Variants in MYO5B observed in about 807,000 individuals in gnomAD.
MYO5B encodes the protein myosin VB, also known as unconventional myosin-Vb.
MYO5B carries 143 observed loss-of-function variants against 229.3 expected under a neutral mutation model. The ratio of observed to expected loss-of-function variants is 0.62; its 90% CI spans 0.54 to 0.72. MYO5B has a LOEUF of 0.72. Ranked by LOEUF, MYO5B falls within the 30% of genes least tolerant of loss-of-function variation. The pLI, the probability that MYO5B is intolerant of heterozygous loss-of-function variation, is 0.00. For missense variants in MYO5B, 2,321 were observed against 2,331.0 expected, an observed-to-expected ratio of 1.00 and a Z score of 0.09; for synonymous variants, 918 against 885.2, an observed-to-expected ratio of 1.04 and a Z score of -0.66.
At chr18:50,083,586 C>T (rs577500642) in intron 1 of MYO5B, among the ~76,000 whole-genome samples, 1 of 152,202 alleles carries the variant, frequency 6.6e-6, no homozygotes, top group East Asian at 1.9e-4. Flanking sequence ...ATGCATGCTG[C>T]ATGTGACACG....
Position 49,826,600 on chromosome 18 carries a change from G to A in MYO5B, c.5418C>T (p.Asp1806=), listed in dbSNP as rs754801055. The A allele has an allele frequency of 1.2e-6, 2 of 1,613,556 alleles. No individual in the cohort carries two copies. The highest frequency in any genetic ancestry group is 1.7e-6 in the Non-Finnish European group (2 of 1,179,894). ...TIQAQLQERN[D]PQQLLLDAKH... ...TGGCATCTAATAGCAGTTGCTGAGG[G>A]TCATTCCGCTCTTGTAGTTGTGCCT... The change falls in exon 40 of 40, where the codon GAC becomes GAT. Residue 1806 remains aspartate, a synonymous_variant. Transcript: ENST00000285039.
intron 1 of MYO5B, among the ~76,000 whole-genome samples, chr18:50,125,890 A>T (rs1297632033): frequency 6.6e-6 from 1 of 152,220 alleles, no homozygotes; most frequent in Admixed American, 6.5e-5. Flanking sequence ...ATGCTAAGAG[A>T]AATAAGCCAG....
chr18:50,156,901 G>A (rs546472437), intron 1 of MYO5B, among the ~76,000 whole-genome samples: 53 of 151,976 alleles, frequency 3.5e-4, no homozygotes, highest in Non-Finnish European at 6.2e-4. Context: ...TTTATCCAAC[G>A]CTACTGTCAC....
chr18:49,835,988 T>G (rs1339160964), intron 38 of MYO5B, among the ~76,000 whole-genome samples: 1 of 152,220 alleles, frequency 6.6e-6, no homozygotes, highest in Non-Finnish European at 1.5e-5. Context: ...GAAAAATGTT[T>G]GAAGACTTTC....
intron 4 of MYO5B, among the ~76,000 whole-genome samples, chr18:50,005,188 A>T (rs1352848497): frequency 3.3e-5 from 5 of 152,234 alleles, no homozygotes; most frequent in African/African-American, 9.6e-5. Context: ...ATCAAGTCTA[A>T]GCTTTTTAGT....
intron 9 of MYO5B, among the ~76,000 whole-genome samples, chr18:49,976,719 G>C (rs554097339): frequency 1.4e-4 from 22 of 152,280 alleles, no homozygotes; most frequent in African/African-American, 5.1e-4. Flanking sequence ...GGTGGGTGTG[G>C]AGAAGCCCCC....
intron 1 of MYO5B, among the ~76,000 whole-genome samples, chr18:50,173,277 GAA>G (rs34753578): frequency 1.7e-5 from 2 of 115,234 alleles, no homozygotes; most frequent in African/African-American, 3.2e-5. Context: ...AAAAACAGAA[GAA>G]AAAAAAAAAA....
chr18:49,856,805 T>C lies in MYO5B; in HGVS notation c.4022+8A>G, dbSNP rs766396972. 24 of 1,609,816 alleles carry C rather than the reference T, an allele frequency of 1.5e-5. No homozygotes were observed. Among genetic ancestry groups the C allele is most frequent in the Non-Finnish European group, 2.0e-5 (24 of 1,176,120 alleles). ...AAGCAGACACAGGAAGAAAGGAATA[T>C]GTTCCACCTGGCAACTTGCTTTAGG... On this transcript the variant is annotated splice_region_variant and intron_variant, in intron 30 of 39. Coordinates refer to ENST00000285039, the MANE Select transcript of MYO5B (RefSeq NM_001080467.3).
intron 1 of MYO5B, among the ~76,000 whole-genome samples, chr18:50,108,195 A>T (rs569180302): frequency 9.8e-5 from 15 of 152,338 alleles, no homozygotes; most frequent in African/African-American, 3.1e-4. Flanking sequence ...GGCATGAGCC[A>T]TCATGCCCAG....
intron 38 of MYO5B, 73 bp downstream of exon 38, chr18:49,836,635 CCAA>C: frequency 1.3e-6 from 2 of 1,551,896 alleles, no homozygotes; most frequent in East Asian, 2.2e-5. Context: ...CAAATAACCA[CCAA>C]CGAGAACAGA....
At chr18:50,093,207 G>GAC (rs772200737) in intron 1 of MYO5B, among the ~76,000 whole-genome samples, 1,341 of 119,652 alleles carry the variant, frequency 0.011, 7 homozygotes, top group African/African-American at 0.024. Context: ...CACACACACA[G>GAC]ACACACACAC....
intron 34 of MYO5B, among the ~76,000 whole-genome samples, chr18:49,842,232 G>A (rs900204327): frequency 2.6e-5 from 4 of 152,330 alleles, no homozygotes; most frequent in South Asian, 2.1e-4. Context: ...TAGACTGGCC[G>A]AAGATTCCAG....
intron 1 of MYO5B, among the ~76,000 whole-genome samples, chr18:50,146,420 G>A (rs530521845): frequency 6.6e-6 from 1 of 152,304 alleles, no homozygotes; most frequent in Non-Finnish European, 1.5e-5. Context: ...CTGACTGCCC[G>A]CTGGAGTGCC....
chr18:49,925,880 T>C (rs999732768), intron 17 of MYO5B, among the ~76,000 whole-genome samples: 6 of 152,232 alleles, frequency 3.9e-5, no homozygotes, highest in Admixed American at 1.3e-4. Flanking sequence ...ACTGAACTAC[T>C]GCACCCATTG....
At chr18:50,034,212 T>G (rs1011167646) in intron 4 of MYO5B, among the ~76,000 whole-genome samples, 25 of 152,366 alleles carry the variant, frequency 1.6e-4, no homozygotes, top group African/African-American at 6.0e-4. Flanking sequence ...ATTATTTCAA[T>G]GACTACTGAT....
chr18:50,129,641 T>A (rs962187673), intron 1 of MYO5B, among the ~76,000 whole-genome samples: 1 of 152,174 alleles, frequency 6.6e-6, no homozygotes, highest in African/African-American at 2.4e-5. Flanking sequence ...ATTTTGCAGA[T>A]GAGGAAACTA....
At chr18:49,894,701 C>G (rs1212821204) in intron 22 of MYO5B, among the ~76,000 whole-genome samples, 2 of 152,248 alleles carry the variant, frequency 1.3e-5, no homozygotes, top group Non-Finnish European at 2.9e-5. Context: ...AGGCAGACAC[C>G]ATGTGCCCCT....
intron 4 of MYO5B, among the ~76,000 whole-genome samples, chr18:50,011,358 G>T (rs1260865503): frequency 6.6e-6 from 1 of 152,102 alleles, no homozygotes; most frequent in Non-Finnish European, 1.5e-5. Context: ...GGCCTCTGAG[G>T]TGATCTCCTC....
chr18:50,168,002 A>C (rs554320054), intron 1 of MYO5B, among the ~76,000 whole-genome samples: 2 of 152,380 alleles, frequency 1.3e-5, no homozygotes, highest in South Asian at 4.1e-4. Context: ...CAAAGTTGTT[A>C]AATTTCACAT....
Sources: gnomAD v4.1 joint callset for allele counts (sites outside exome capture counted in the v4.1 genomes callset) on GRCh38, gnomAD v4.1.1 for gene constraint, MANE v1.5 for transcripts, NCBI Gene and HGNC (gene_info 2026-07-23, HGNC 2026-07-21) for gene names.